EYS: variants seen among roughly 807,000 people sequenced by gnomAD.
EYS encodes EGF-like photoreceptor maintenance factor, also known as protein eyes shut homolog.
In EYS, 250 loss-of-function variants were observed where a neutral mutation model predicts 282.1. That is an observed-to-expected ratio of 0.89 (90% confidence interval 0.80 to 0.98). The LOEUF (loss-of-function observed/expected upper bound fraction) is 0.98. Among genes scored for constraint, EYS ranks in the 50% least tolerant of loss-of-function variants. EYS has a pLI of 0.00. For synonymous variants in EYS, 1,355 were observed against 1,282.9 expected (o/e 1.06, Z -1.20); for missense variants, 4,016 against 3,709.0 (o/e 1.08, Z -2.15).
chr6:64,141,385 A>G (rs1774333234), intron 31 of EYS, among the ~76,000 whole-genome samples: 1 of 152,216 alleles, frequency 6.6e-6, no homozygotes, highest in Admixed American at 6.5e-5. Flanking sequence ...GAGAGAAATC[A>G]CTTCTCAGAA....
chr6:65,615,752 G>A (rs1222363998), intron 2 of EYS, among the ~76,000 whole-genome samples: 1 of 151,892 alleles, frequency 6.6e-6, no homozygotes, highest in African/African-American at 2.4e-5. Flanking sequence ...GGCTAACACG[G>A]TGAAACCCTG....
intron 26 of EYS, among the ~76,000 whole-genome samples, chr6:64,520,452 T>C (rs571141292): frequency 4.5e-4 from 69 of 151,900 alleles, no homozygotes; most frequent in Non-Finnish European, 8.3e-4. Flanking sequence ...AAGCATTTTT[T>C]CCCATTATAG....
chr6:65,519,269 T>A (rs897803757), intron 2 of EYS, among the ~76,000 whole-genome samples: 1 of 151,966 alleles, frequency 6.6e-6, no homozygotes, highest in Non-Finnish European at 1.5e-5. Context: ...CATTTCAATA[T>A]ACATTGTTGC....
chr6:64,860,727 C>T (rs930331262), intron 19 of EYS, among the ~76,000 whole-genome samples: 5 of 152,212 alleles, frequency 3.3e-5, no homozygotes, highest in African/African-American at 9.6e-5. Flanking sequence ...GCTCTTTCAG[C>T]TCTGCCACTC....
intron 12 of EYS, among the ~76,000 whole-genome samples, chr6:65,079,780 C>T: frequency 6.6e-6 from 1 of 152,002 alleles, no homozygotes; most frequent in Non-Finnish European, 1.5e-5. Context: ...TTTTCTCTAT[C>T]TTCATACACA....
intron 19 of EYS, among the ~76,000 whole-genome samples, chr6:64,873,783 A>G (rs1458681536): frequency 6.6e-6 from 1 of 152,064 alleles, no homozygotes; most frequent in Non-Finnish European, 1.5e-5. Flanking sequence ...AAATAAAAAA[A>G]CATCATATTG....
intron 26 of EYS, among the ~76,000 whole-genome samples, chr6:64,467,108 T>G (rs1179824296): frequency 6.6e-6 from 1 of 152,200 alleles, no homozygotes; most frequent in African/African-American, 2.4e-5. Flanking sequence ...ACAAAAACTC[T>G]TCTCAAAAGA....
chr6:64,541,266 T>G (rs1316407417), intron 26 of EYS, among the ~76,000 whole-genome samples: 1 of 152,180 alleles, frequency 6.6e-6, no homozygotes, highest in African/African-American at 2.4e-5. Context: ...ATGGCACCTG[T>G]ACTCAGGGGC....
intron 19 of EYS, among the ~76,000 whole-genome samples, chr6:64,880,980 G>C (rs1266447665): frequency 6.6e-6 from 1 of 151,152 alleles, no homozygotes; most frequent in Admixed American, 6.6e-5. Context: ...AGAACTTTGA[G>C]AGTTAAATCC....
chr6:65,418,659 A>T (rs1406158202), intron 5 of EYS, among the ~76,000 whole-genome samples: 1 of 152,014 alleles, frequency 6.6e-6, no homozygotes, highest in African/African-American at 2.4e-5. Flanking sequence ...GTTTTCACTT[A>T]TAAGTGGGAG....
At chr6:64,082,084 G>A in intron 31 of EYS, 82 bp from the exon 32 acceptor site, 1 of 929,490 alleles carries the variant, frequency 1.1e-6, no homozygotes, top group Non-Finnish European at 1.6e-6. Flanking sequence ...TTTATAGTTA[G>A]CATTCATTTG....
chr6:65,397,309 A>G (rs974084251), intron 7 of EYS, among the ~76,000 whole-genome samples: 1 of 151,840 alleles, frequency 6.6e-6, no homozygotes, highest in Admixed American at 6.6e-5. Flanking sequence ...CTTTTAGTGT[A>G]CCCATAACCC....
At chr6:63,799,332 C>T (rs914814904) in intron 37 of EYS, among the ~76,000 whole-genome samples, 6 of 151,800 alleles carry the variant, frequency 4.0e-5, no homozygotes, top group Admixed American at 1.3e-4. Context: ...TTTTTTATTA[C>T]TGTATTATAT....
chr6:64,447,324 C>A (rs531557275), intron 26 of EYS, among the ~76,000 whole-genome samples: 4 of 152,176 alleles, frequency 2.6e-5, no homozygotes, highest in Admixed American at 2.6e-4. Flanking sequence ...TCCAACTTTA[C>A]ATAATCCATT....
intron 29 of EYS, among the ~76,000 whole-genome samples, chr6:64,339,761 T>G (rs1340343235): frequency 6.6e-6 from 1 of 151,784 alleles, no homozygotes; most frequent in African/African-American, 2.4e-5. Context: ...GCGACCTGGA[T>G]GAGATTGGAG....
rs183696902 is a variant in EYS at position 63,773,604 on chromosome 6, C to T, written c.7898+4402G>A. 4.5e-3 allele frequency among the ~76,000 whole-genome samples: 678 copies of T among 152,246 alleles called. 7 individuals carry two copies. Among genetic ancestry groups the T allele is most frequent in the African/African-American group, 0.016 (650 of 41,552 alleles). ...TTTTGCTGCATTGGCAGTGGAAAAC[C>T]AGGAAACATTTTGAGCAGGAAAATG... is the stretch of plus-strand genomic sequence containing the variant. On this transcript the variant is annotated intron_variant, in intron 40 of 42. Coordinates refer to ENST00000503581, the MANE Select transcript of EYS (RefSeq NM_001142800.2).
intron 35 of EYS, among the ~76,000 whole-genome samples, chr6:63,963,909 T>A (rs1471163404): frequency 6.6e-6 from 1 of 152,196 alleles, no homozygotes; most frequent in African/African-American, 2.4e-5. Context: ...TCCAGGTTCA[T>A]TTTTCTTGCT....
chr6:64,413,586 C>CA (rs1394507828), intron 28 of EYS, among the ~76,000 whole-genome samples: 14 of 146,840 alleles, frequency 9.5e-5, no homozygotes, highest in South Asian at 4.3e-4. Flanking sequence ...CCTCCCCTCC[C>CA]AAAAAAAAAC....
chr6:63,873,837 GT>G (rs886894514), intron 35 of EYS, among the ~76,000 whole-genome samples: 3 of 151,780 alleles, frequency 2.0e-5, no homozygotes, highest in Admixed American at 6.6e-5. Flanking sequence ...TTTTTGATGG[GT>G]TTTTTTTATT....
Sources: allele counts gnomAD v4.1 joint callset (sites outside exome capture counted in the v4.1 genomes callset), GRCh38; gene constraint gnomAD v4.1.1; transcripts MANE v1.5; gene names NCBI Gene and HGNC (gene_info 2026-07-23, HGNC 2026-07-21).